NDUFA10: variants seen among roughly 807,000 people sequenced by gnomAD.
NDUFA10 encodes the protein NADH dehydrogenase [ubiquinone] 1 alpha subcomplex subunit 10, mitochondrial.
Under a neutral mutation model 47.8 loss-of-function variants are expected in NDUFA10, and 40 were observed. That is an observed-to-expected ratio of 0.84 (90% CI 0.65 to 1.09). The LOEUF is 1.09. Ranked by LOEUF, NDUFA10 falls within the 50% of genes least tolerant of loss-of-function variation. The pLI is 0.00. For synonymous variants in NDUFA10, 183 were observed against 172.2 expected (o/e 1.06, Z -0.49); for missense variants, 413 against 451.1 (o/e 0.92, Z 0.76).
intron 9 of NDUFA10, among the ~76,000 whole-genome samples, chr2:239,985,468 C>T (rs912914916): frequency 3.4e-5 from 5 of 148,246 alleles, no homozygotes; most frequent in African/African-American, 1.0e-4. Context: ...TAGGCTGATG[C>T]ACACTCAAAA....
At chr2:239,951,630 G>A (rs1201905331) in intron 4 of NDUFA10, among the ~76,000 whole-genome samples, 1 of 152,162 alleles carries the variant, frequency 6.6e-6, no homozygotes, top group Non-Finnish European at 1.5e-5. Context: ...GGTCACAGCC[G>A]GGCGTGGAGA....
At chr2:239,920,532 C>T (rs1385605669) in intron 4 of NDUFA10, among the ~76,000 whole-genome samples, 1 of 152,220 alleles carries the variant, frequency 6.6e-6, no homozygotes, top group Non-Finnish European at 1.5e-5. Flanking sequence ...AAAGTGTTTT[C>T]TCCTAAGCTA....
chr2:239,966,668 C>T (rs1367703169), intron 9 of NDUFA10, among the ~76,000 whole-genome samples: 1 of 152,052 alleles, frequency 6.6e-6, no homozygotes, highest in Non-Finnish European at 1.5e-5. Context: ...GATGATTTTC[C>T]TGACCCTCAC....
intron 9 of NDUFA10, among the ~76,000 whole-genome samples, chr2:239,978,731 G>A (rs1242596114): frequency 6.6e-6 from 1 of 152,194 alleles, no homozygotes; most frequent in Non-Finnish European, 1.5e-5. Flanking sequence ...CGTCTGAAAA[G>A]GAAGAGCTGC....
chr2:239,923,911 C>T (rs1694028251), intron 4 of NDUFA10, among the ~76,000 whole-genome samples: 1 of 152,178 alleles, frequency 6.6e-6, no homozygotes, highest in South Asian at 2.1e-4. Context: ...GGAAATGAAA[C>T]AGGTGATATT....
intron 8 of NDUFA10, among the ~76,000 whole-genome samples, chr2:240,000,457 G>C (rs1427114910): frequency 6.6e-6 from 1 of 152,076 alleles, no homozygotes; most frequent in African/African-American, 2.4e-5. Context: ...AATACTTCTA[G>C]AATAAGGATA....
chr2:239,905,967 G>A (rs1225837489), intron 4 of NDUFA10, among the ~76,000 whole-genome samples: 1 of 151,968 alleles, frequency 6.6e-6, no homozygotes, highest in Admixed American at 6.6e-5. Flanking sequence ...AGAGATCGCA[G>A]CCCCCATCCT....
chr2:239,954,270 G>A (rs183789297), downstream of NDUFA10, among the ~76,000 whole-genome samples: 10 of 151,534 alleles, frequency 6.6e-5, no homozygotes, highest in Non-Finnish European at 1.0e-4. Context: ...GACTGCCTCA[G>A]GGCTGTGAGA....
chr2:239,923,420 A>AAT lies in NDUFA10; in HGVS notation c.295-28108_295-28107dup, dbSNP rs551014505. Among the ~76,000 whole-genome samples, 19 of 152,346 alleles carry AAT rather than the reference A, an allele frequency of 1.2e-4. No individual in the cohort carries two copies. The East Asian group carries it at 3.5e-3, about 28-fold the overall frequency. On this transcript the variant is annotated intron_variant, in intron 4 of 5. Coordinates refer to the NDUFA10 transcript ENST00000419408. ...CATAAAAAAAACTGAAACCATACAA[A>AAT]ATATGTTCTCTGACCATAAGGAAAC...
chr2:240,023,134 C>T (rs1697705330), intron 1 of NDUFA10, among the ~76,000 whole-genome samples: 1 of 152,152 alleles, frequency 6.6e-6, no homozygotes, highest in African/African-American at 2.4e-5. Context: ...ACTCTCCACA[C>T]TAAAGTGGGA....
intron 9 of NDUFA10, among the ~76,000 whole-genome samples, chr2:239,977,148 G>C (rs1453262113): frequency 1.3e-5 from 2 of 152,134 alleles, no homozygotes; most frequent in Non-Finnish European, 2.9e-5. Context: ...ACAGACAAGA[G>C]AGACAGCAAG....
chr2:240,017,877 AG>A (rs1384569557), intron 4 of NDUFA10: 1 of 1,571,444 alleles, frequency 6.4e-7, no homozygotes, highest in South Asian at 1.2e-5. Context: ...CCCAGATTCC[AG>A]CTTTCCACTG....
At chr2:239,992,496 G>C (rs1696292719) in intron 8 of NDUFA10, among the ~76,000 whole-genome samples, 1 of 152,140 alleles carries the variant, frequency 6.6e-6, no homozygotes. Context: ...CTGAAACACT[G>C]TACTTCTGAA....
intron 4 of NDUFA10, among the ~76,000 whole-genome samples, chr2:239,916,105 C>G (rs968686631): frequency 6.6e-6 from 1 of 151,134 alleles, no homozygotes; most frequent in Non-Finnish European, 1.5e-5. Flanking sequence ...CAGAGAGACA[C>G]AGAGAACACA....
chr2:239,986,558 T>C (rs1180017896), intron 9 of NDUFA10, among the ~76,000 whole-genome samples: 2 of 152,146 alleles, frequency 1.3e-5, no homozygotes, highest in African/African-American at 4.8e-5. Context: ...CAAGTATAGA[T>C]GTATCTGAAT....
At chr2:240,020,019 T>C (rs1023591005) in intron 3 of NDUFA10, among the ~76,000 whole-genome samples, 4 of 152,144 alleles carry the variant, frequency 2.6e-5, no homozygotes, top group African/African-American at 9.7e-5. Context: ...AAAGAAGCAC[T>C]AATAAAATGT....
At chr2:239,905,290 C>T (rs543773617) in intron 4 of NDUFA10, among the ~76,000 whole-genome samples, 33 of 152,338 alleles carry the variant, frequency 2.2e-4, no homozygotes, top group Non-Finnish European at 3.8e-4. Context: ...CCCTTTGAGT[C>T]TCACAGAGGA....
chr2:240,008,607 T>C (rs939503083), intron 6 of NDUFA10, among the ~76,000 whole-genome samples: 1 of 152,260 alleles, frequency 6.6e-6, no homozygotes, highest in African/African-American at 2.4e-5. Flanking sequence ...ACATTATTTG[T>C]TCTCACACAG....
intron 1 of NDUFA10, among the ~76,000 whole-genome samples, chr2:240,024,394 T>A (rs1229468700): frequency 6.6e-6 from 1 of 152,252 alleles, no homozygotes; most frequent in Non-Finnish European, 1.5e-5. Flanking sequence ...TCTAATTATA[T>A]GACATTCCAG....
Sources: allele counts gnomAD v4.1 joint callset (sites outside exome capture counted in the v4.1 genomes callset), GRCh38; gene constraint gnomAD v4.1.1; transcripts MANE v1.5; gene names NCBI Gene and HGNC (gene_info 2026-07-23, HGNC 2026-07-21).